The following PSAP variants were observed in gnomAD, a reference collection of about 807,000 sequenced individuals.
PSAP encodes prosaposin, also known as precursor of saposins.
Under a neutral mutation model 66.0 loss-of-function variants are expected in PSAP, and 25 were observed. That is an observed-to-expected ratio of 0.38 (90% confidence interval 0.28 to 0.53). PSAP has a LOEUF of 0.53. PSAP is among the 20% of genes least tolerant of loss of function. PSAP has a pLI of 0.83. For missense variants in PSAP, 649 were observed against 668.8 expected (o/e 0.97, Z 0.33); for synonymous variants, 273 against 258.9 (o/e 1.05, Z -0.52).
intron 5 of PSAP, among the ~76,000 whole-genome samples, chr10:71,828,632 G>A (rs1055389668): frequency 3.9e-5 from 6 of 152,126 alleles, no homozygotes; most frequent in East Asian, 1.9e-4. Context: ...GTGACAGAAC[G>A]AGACCCTGTC....
intron 1 of PSAP, among the ~76,000 whole-genome samples, chr10:71,838,190 G>A (rs1317066306): frequency 6.6e-6 from 1 of 152,270 alleles, no homozygotes; most frequent in Non-Finnish European, 1.5e-5. Context: ...CAAGAGCCAA[G>A]AGAGGCTAAC....
At position 71,817,483 on chromosome 10, in the gene PSAP, GGA is replaced by G. The variant is rs770871198; in HGVS notation, c.1540-9_1540-8del. On this transcript the variant is annotated splice_polypyrimidine_tract_variant and splice_region_variant and intron_variant, in intron 13 of 13. Coordinates refer to ENST00000394936, the MANE Select transcript of PSAP (RefSeq NM_002778.4). ...GTTTGCAATGCTCGACAGCCTGGTA[GGA>G]GAGAGGAAGCTGAGTTTAGTCTTCG... 1.2e-6 allele frequency: 2 copies of G among 1,614,032 alleles called. No homozygotes were observed. Among genetic ancestry groups the G allele is most frequent in the East Asian group, 4.5e-5 (2 of 44,894 alleles).
intron 1 of PSAP, among the ~76,000 whole-genome samples, chr10:71,846,441 A>C (rs1323173617): frequency 6.6e-6 from 1 of 151,628 alleles, no homozygotes; most frequent in Non-Finnish European, 1.5e-5. Context: ...AAAAAAAAAA[A>C]AAGCCAGGTG....
At position 71,831,913 on chromosome 10, in the gene PSAP, A is replaced by G; in HGVS notation, c.182T>C (p.Leu61Pro). 6.2e-7 allele frequency: 1 copy of G among 1,613,986 alleles called. No individual in the cohort carries two copies. The highest frequency in any genetic ancestry group is 1.3e-5 in the African/African-American group (1 of 75,044). Residue 61 changes from leucine (L) to proline (P), a missense_variant, in exon 3 of 14, where the codon CTT becomes CCT. By Grantham distance (98) the Leu-to-Pro change is moderately conservative. Transcript: ENST00000394936. Reference sequence around the variant, plus strand: ...AACGTCTTTGCATATGTCGCAGGGAAGGGATTTCTAAGAGAAAGAATACGA... The same window carrying G: ...AACGTCTTTGCATATGTCGCAGGGAGGGGATTTCTAAGAGAAAGAATACGA... ...TVWNKPTVKS[L>P]PCDICKDVVT...
chr10:71,842,528 A>T (rs1383319164), intron 1 of PSAP, among the ~76,000 whole-genome samples: 1 of 152,224 alleles, frequency 6.6e-6, no homozygotes, highest in African/African-American at 2.4e-5. Context: ...ATTAGTATAT[A>T]GGGATCCTGC....
At chr10:71,824,706 G>C (rs1287695280) in intron 7 of PSAP, among the ~76,000 whole-genome samples, 6 of 152,220 alleles carry the variant, frequency 3.9e-5, no homozygotes, top group African/African-American at 1.4e-4. Flanking sequence ...GTACAAGGTA[G>C]TATATATGAA....
At chr10:71,833,016 C>CAAAAAAAAAAAAAAAAAAAAAAAAAA (rs781415981) in intron 2 of PSAP, among the ~76,000 whole-genome samples, 2 of 50,708 alleles carry the variant, frequency 3.9e-5, no homozygotes, top group Admixed American at 2.3e-4. Flanking sequence ...GAGTCCATCT[C>CAAAAAAAAAAAAAAAAAAAAAAAAAA]AAAAAAAAAA....
At chr10:71,821,226 C>A (rs1216533552) in intron 8 of PSAP, among the ~76,000 whole-genome samples, 1 of 152,178 alleles carries the variant, frequency 6.6e-6, no homozygotes, top group African/African-American at 2.4e-5. Context: ...GTGGGATGTT[C>A]TAGAACAAGA....
intron 1 of PSAP, among the ~76,000 whole-genome samples, chr10:71,845,982 G>C (rs776036898): frequency 2.6e-5 from 4 of 152,196 alleles, no homozygotes; most frequent in Admixed American, 6.5e-5. Context: ...AACGTCCTTT[G>C]AAATTAAAGA....
At chr10:71,848,105 T>C (rs895586221) in intron 1 of PSAP, among the ~76,000 whole-genome samples, 1 of 152,168 alleles carries the variant, frequency 6.6e-6, no homozygotes, top group Admixed American at 6.5e-5. Flanking sequence ...ATACCCTCCA[T>C]GATCCCATTT....
At chr10:71,825,352 A>C (rs1842382023) in intron 7 of PSAP, among the ~76,000 whole-genome samples, 1 of 152,198 alleles carries the variant, frequency 6.6e-6, no homozygotes, top group African/African-American at 2.4e-5. Context: ...CTAATGAAGG[A>C]ATGCCCCCTG....
At chr10:71,826,839 G>A (rs1381757396) in intron 6 of PSAP, among the ~76,000 whole-genome samples, 4 of 152,112 alleles carry the variant, frequency 2.6e-5, no homozygotes, top group Non-Finnish European at 5.9e-5. Context: ...ATTACAACCA[G>A]CTTCTCAGCT....
chr10:71,842,517 A>C (rs1322265382), intron 1 of PSAP, among the ~76,000 whole-genome samples: 1 of 152,202 alleles, frequency 6.6e-6, no homozygotes, highest in African/African-American at 2.4e-5. Flanking sequence ...CTCAATAACT[A>C]ATTAGTATAT....
chr10:71,838,490 T>A (rs1842670211), intron 1 of PSAP, among the ~76,000 whole-genome samples: 1 of 152,180 alleles, frequency 6.6e-6, no homozygotes, highest in African/African-American at 2.4e-5. Context: ...GGTGTGGAGC[T>A]GGTATGAGTG....
intron 9 of PSAP, 69 bp downstream of exon 9, chr10:71,820,171 C>G: frequency 7.3e-7 from 1 of 1,371,956 alleles, no homozygotes; most frequent in Non-Finnish European, 1.0e-6. Flanking sequence ...TCCTGTGGGA[C>G]TTTCCCACTG....
chr10:71,828,092 G>A lies in PSAP; in HGVS notation c.642C>T (p.Thr214=), dbSNP rs1842429688. 2 of 1,614,010 alleles carry A rather than the reference G, an allele frequency of 1.2e-6. No homozygotes were observed. Among genetic ancestry groups the A allele is most frequent in the East Asian group, 2.2e-5 (1 of 44,896 alleles). ...CCAAGGCCTGGACAAAGGTGGAGTTGGTCCGTACAGCAGTCTGGATGTCAG... is the reference window on the plus strand; with the variant it reads ...CCAAGGCCTGGACAAAGGTGGAGTTAGTCCGTACAGCAGTCTGGATGTCAG... ...MVTDIQTAVR[T]NSTFVQALVE... Residue 214 remains threonine (T), a synonymous_variant, in exon 6 of 14, where the codon ACC becomes ACT. Transcript: ENST00000394936.
chr10:71,838,435 C>T (rs201133419), intron 1 of PSAP, among the ~76,000 whole-genome samples: 2 of 151,464 alleles, frequency 1.3e-5, no homozygotes, highest in Non-Finnish European at 3.0e-5. Context: ...CAGAGACACG[C>T]GGTCATCTCC....
intron 7 of PSAP, among the ~76,000 whole-genome samples, chr10:71,824,604 G>A (rs1842365088): frequency 6.6e-6 from 1 of 152,162 alleles, no homozygotes; most frequent in South Asian, 2.1e-4. Flanking sequence ...TCTCTTCTAT[G>A]TACACAGGTG....
intron 1 of PSAP, among the ~76,000 whole-genome samples, chr10:71,840,477 T>A (rs186300926): frequency 6.6e-6 from 1 of 152,238 alleles, no homozygotes; most frequent in Non-Finnish European, 1.5e-5. Context: ...AAAGAGCACT[T>A]GTCTCTTCCT....
Sources: gnomAD v4.1 joint callset for allele counts (sites outside exome capture counted in the v4.1 genomes callset) on GRCh38, gnomAD v4.1.1 for gene constraint, MANE v1.5 for transcripts, NCBI Gene and HGNC (gene_info 2026-07-23, HGNC 2026-07-21) for gene names.